STARD13: variants seen among roughly 807,000 people sequenced by gnomAD.
STARD13 encodes stAR-related lipid transfer protein 13.
In STARD13, 62 loss-of-function variants were observed where a neutral mutation model predicts 106.4. The observed-to-expected ratio is 0.58, with a 90% CI of 0.48 to 0.72. The LOEUF (loss-of-function observed/expected upper bound fraction) is 0.72, where lower values mean the gene tolerates loss of function less well. Ranked by LOEUF, STARD13 falls within the 30% of genes least tolerant of loss-of-function variation. The pLI, the probability that STARD13 is intolerant of heterozygous loss-of-function variation, is 0.00. For missense variants in STARD13, 1,387 were observed against 1,424.0 expected (o/e 0.97, Z 0.42); for synonymous variants, 565 against 553.0 (o/e 1.02, Z -0.31).
intron 1 of STARD13, among the ~76,000 whole-genome samples, chr13:33,185,438 T>C (rs894036314): frequency 6.6e-6 from 1 of 152,228 alleles, no homozygotes. Context: ...AAAACCCAAG[T>C]CTGATCACTG....
At chr13:33,244,090 G>A (rs1214806738) in intron 1 of STARD13, among the ~76,000 whole-genome samples, 1 of 150,498 alleles carries the variant, frequency 6.6e-6, no homozygotes, top group African/African-American at 2.5e-5. Flanking sequence ...CCAACATGAT[G>A]CTCAAAGGAA....
chr13:33,219,172 C>T (rs1161231467), intron 1 of STARD13, among the ~76,000 whole-genome samples: 1 of 152,068 alleles, frequency 6.6e-6, no homozygotes, highest in Non-Finnish European at 1.5e-5. Context: ...AGACGGTCAC[C>T]ATGCAGTACG....
the STARD13 span, among the ~76,000 whole-genome samples, chr13:33,630,918 A>G: frequency 4.6e-5 from 7 of 152,248 alleles, no homozygotes; most frequent in Admixed American, 6.5e-5. Flanking sequence ...TTACTGAGAT[A>G]GAAAGATTCA....
chr13:33,601,772 C>T, the STARD13 span, among the ~76,000 whole-genome samples: 7 of 152,076 alleles, frequency 4.6e-5, no homozygotes, highest in Middle Eastern at 3.2e-3. Flanking sequence ...CACCATGTTC[C>T]GGAGATCCCT....
intron 1 of STARD13, among the ~76,000 whole-genome samples, chr13:33,245,421 G>A (rs557666764): frequency 6.6e-5 from 10 of 152,306 alleles, no homozygotes; most frequent in South Asian, 6.2e-4. Context: ...TTTGGGAAGA[G>A]AACAACTTCT....
chr13:33,578,642 TA>T, the STARD13 span, among the ~76,000 whole-genome samples: 1 of 151,856 alleles, frequency 6.6e-6, no homozygotes, highest in East Asian at 1.9e-4. Flanking sequence ...AAAGCAAAAA[TA>T]AGGAAATAGG....
At chr13:33,385,240 T>A in the STARD13 span, among the ~76,000 whole-genome samples, 1 of 124,804 alleles carries the variant, frequency 8.0e-6, no homozygotes, top group Non-Finnish European at 1.6e-5. Context: ...TATATATATA[T>A]ATATATATAT....
chr13:33,641,498 C>A, the STARD13 span, among the ~76,000 whole-genome samples: 1 of 152,110 alleles, frequency 6.6e-6, no homozygotes, highest in Admixed American at 6.5e-5. Context: ...TATGACCCAC[C>A]TTGGGGAAGA....
chr13:33,586,240 C>T, the STARD13 span, among the ~76,000 whole-genome samples: 3 of 152,150 alleles, frequency 2.0e-5, no homozygotes, highest in Admixed American at 6.5e-5. Flanking sequence ...TAAGAAAACA[C>T]ATCTAGTTAG....
chr13:33,194,570 A>G (rs1456686451), intron 1 of STARD13, among the ~76,000 whole-genome samples: 1 of 152,230 alleles, frequency 6.6e-6, no homozygotes, highest in Non-Finnish European at 1.5e-5. Context: ...TTAGTGCAGA[A>G]TGAAATTACT....
intron 3 of STARD13, chr13:33,164,331 A>G (rs1023365542): frequency 3.9e-5 from 6 of 152,208 alleles, no homozygotes; most frequent in Non-Finnish European, 7.3e-5. Context: ...ACACTATTTA[A>G]TGTGCGTTGA....
chr13:33,188,067 T>C (rs908838481), intron 1 of STARD13: 2 of 152,212 alleles, frequency 1.3e-5, no homozygotes, highest in African/African-American at 2.4e-5. Flanking sequence ...GATTCTAGCC[T>C]TCCTGGTTGC....
At chr13:33,443,181 T>C in the STARD13 span, among the ~76,000 whole-genome samples, 2 of 151,698 alleles carry the variant, frequency 1.3e-5, no homozygotes, top group African/African-American at 2.4e-5. Flanking sequence ...GATGAGACCA[T>C]CCTGGCTAAC....
the STARD13 span, among the ~76,000 whole-genome samples, chr13:33,511,683 C>T: frequency 6.6e-5 from 10 of 152,036 alleles, no homozygotes; most frequent in East Asian, 1.9e-4. Flanking sequence ...AAATCCTAGG[C>T]GGAGTCTCCC....
chr13:33,457,587 T>C, the STARD13 span, among the ~76,000 whole-genome samples: 1 of 152,166 alleles, frequency 6.6e-6, no homozygotes, highest in South Asian at 2.1e-4. Flanking sequence ...TAAACTACCA[T>C]AGACTGGGTG....
chr13:33,631,525 C>A, the STARD13 span, among the ~76,000 whole-genome samples: 4 of 152,156 alleles, frequency 2.6e-5, no homozygotes, highest in Non-Finnish European at 5.9e-5. Flanking sequence ...CATTCCAGGT[C>A]CTAATGCTGA....
At chr13:33,152,468 G>A (rs1396829935) in intron 3 of STARD13, among the ~76,000 whole-genome samples, 3 of 150,816 alleles carry the variant, frequency 2.0e-5, no homozygotes, top group East Asian at 3.9e-4. Flanking sequence ...GTTTTACCCT[G>A]TCTTTTACTT....
At chr13:33,315,510 C>T (rs1259072561) in intron 1 of STARD13, among the ~76,000 whole-genome samples, 1 of 152,114 alleles carries the variant, frequency 6.6e-6, no homozygotes, top group Non-Finnish European at 1.5e-5. Context: ...CCTTAAGACC[C>T]TTAATTGGCA....
the STARD13 span, among the ~76,000 whole-genome samples, chr13:33,521,160 T>G: frequency 6.6e-6 from 1 of 152,160 alleles, no homozygotes; most frequent in Admixed American, 6.6e-5. Flanking sequence ...CAGTCAGGCC[T>G]AGATTCACAA....
Sources: allele counts gnomAD v4.1 joint callset (sites outside exome capture counted in the v4.1 genomes callset), GRCh38; gene constraint gnomAD v4.1.1; transcripts MANE v1.5; gene names NCBI Gene and HGNC (gene_info 2026-07-23, HGNC 2026-07-21).